Variants in MAP3K2 observed in about 807,000 individuals in gnomAD.
The protein encoded by MAP3K2 is MAP/ERK kinase kinase 2.
MAP3K2 carries 24 observed loss-of-function variants against 80.3 expected under a neutral mutation model. The observed-to-expected ratio is 0.30, with a 90% confidence interval of 0.22 to 0.42. The LOEUF (loss-of-function observed/expected upper bound fraction) is 0.42, where lower values mean the gene tolerates loss of function less well. Among genes scored for constraint, MAP3K2 ranks in the 10% least tolerant of loss-of-function variants. MAP3K2 has a pLI of 1.00. For missense variants in MAP3K2, 608 were observed against 750.1 expected (o/e 0.81, Z 2.21); for synonymous variants, 244 against 253.7 (o/e 0.96, Z 0.36).
Position 127,304,656 on chromosome 2 carries a change from T to G in MAP3K2, c.*2923A>C, listed in dbSNP as rs1438074877. 1.3e-5 allele frequency: 2 copies of G among 152,582 alleles called. No individual in the cohort carries two copies. The highest frequency in any genetic ancestry group is 2.4e-5 in the African/African-American group (1 of 41,446). 9.5% of individuals were successfully genotyped at this position (152,582 alleles called of 1,614,324 possible). ...CACATTTAGAGTTATCTTAAAAAGT[T>G]CAAATTGCATTTGTTGATCCATATC... On this transcript the variant is annotated 3_prime_UTR_variant, in exon 17 of 17. Coordinates refer to ENST00000682094, the MANE Select transcript of MAP3K2 (RefSeq NM_001371910.2).
chr2:127,338,566 T>C (rs894011460), intron 3 of MAP3K2, among the ~76,000 whole-genome samples: 6 of 152,180 alleles, frequency 3.9e-5, no homozygotes, highest in African/African-American at 7.2e-5. Context: ...CCTCCACTTA[T>C]AACTGAGAAC....
intron 1 of MAP3K2, among the ~76,000 whole-genome samples, chr2:127,356,619 T>C (rs773824855): frequency 3.3e-5 from 5 of 152,184 alleles, no homozygotes; most frequent in Non-Finnish European, 7.3e-5. Flanking sequence ...TCCCAAAGTG[T>C]TGAGATTACA....
chr2:127,307,546 G>A lies in MAP3K2; in HGVS notation c.*33C>T, dbSNP rs1183844941. The A allele has an allele frequency of 7.1e-6, 10 of 1,418,244 alleles. No individual in the cohort carries two copies. The highest frequency in any genetic ancestry group is 8.8e-6 in the Non-Finnish European group (9 of 1,027,682). The allele number at this position is 1,418,244 out of a possible 1,614,324, so 87.9% of individuals were successfully genotyped here. ...AGAGAAGGTGAATGAATAGATGGGAGCTAGGTAGAGGCACAGGAGAGGTTA... is the reference window on the plus strand; with the variant it reads ...AGAGAAGGTGAATGAATAGATGGGAACTAGGTAGAGGCACAGGAGAGGTTA... On this transcript the variant is annotated 3_prime_UTR_variant, in exon 17 of 17. Transcript: ENST00000682094. The surrounding 1 kb of genome is among the most constrained non-coding windows in gnomAD (Gnocchi z 5.4).
At chr2:127,309,544 G>C (rs1685771641) in intron 15 of MAP3K2, among the ~76,000 whole-genome samples, 1 of 152,048 alleles carries the variant, frequency 6.6e-6, no homozygotes, top group South Asian at 2.1e-4. Context: ...GATTTCCTCA[G>C]TTTTTCCCTA....
At chr2:127,317,302 A>G (rs1182735603) in intron 14 of MAP3K2, among the ~76,000 whole-genome samples, 1 of 152,152 alleles carries the variant, frequency 6.6e-6, no homozygotes, top group Non-Finnish European at 1.5e-5. Context: ...AGAGATAATT[A>G]AGGGGCATAA....
In MAP3K2 at chr2:127,308,620, G is replaced by A; in HGVS notation, c.1599C>T (p.Ile533=). Residue 533 remains isoleucine (I), a synonymous_variant, in exon 16 of 17, where the codon ATC becomes ATT. Coordinates refer to ENST00000682094, the MANE Select transcript of MAP3K2 (RefSeq NM_001371910.2). ...CTTTTCTTCCATAGCCTTCTCCACT[G>A]ATGACTTCAGGGCTCATCCAGTATG... ...GTPYWMSPEV[I]SGEGYGRKAD... 1.3e-6 allele frequency: 2 copies of A among 1,596,560 alleles called. No individual in the cohort carries two copies. The highest frequency in any genetic ancestry group is 1.1e-5 in the South Asian group (1 of 88,994).
At chr2:127,355,108 A>T (rs1686774601) in intron 1 of MAP3K2, among the ~76,000 whole-genome samples, 1 of 152,158 alleles carries the variant, frequency 6.6e-6, no homozygotes, top group South Asian at 2.1e-4. Flanking sequence ...TCCCCAAATG[A>T]CAGCAGGGCA....
Position 127,321,646 on chromosome 2 carries a change from T to G in MAP3K2, c.1045+400A>C, listed in dbSNP as rs1322049003. Among the ~76,000 whole-genome samples, 3 of 152,232 alleles carry G rather than the reference T, an allele frequency of 2.0e-5. No homozygotes were observed. On this transcript the variant is annotated intron_variant, in intron 12 of 16. Coordinates refer to ENST00000682094, the MANE Select transcript of MAP3K2 (RefSeq NM_001371910.2). The surrounding 1 kb of genome is among the most constrained non-coding windows in gnomAD (Gnocchi z 4.4). The stretch of plus-strand genomic sequence containing the variant: ...CATTTTTAGATGATGTTATGGCCTC[T>G]TGCACATTATCTCCTCAGCTGGTGA...
rs375482969 is a variant in MAP3K2, at chr2:127,308,653, C to G, written c.1566G>C (p.Thr522=). The G allele has an allele frequency of 1.2e-6, 2 of 1,613,684 alleles. No individual in the cohort carries two copies. The highest frequency in any genetic ancestry group is 3.3e-5 in the Admixed American group (2 of 59,988). Residue 522 remains threonine (T), a synonymous_variant, in exon 16 of 17, where the codon ACG becomes ACC. Coordinates refer to ENST00000682094, the MANE Select transcript of MAP3K2 (RefSeq NM_001371910.2). ...CAGGGCTCATCCAGTATGGTGTGCC[C>G]GTGACAGACTTCATTCCTGTCCCTG... ...CLSGTGMKSV[T]GTPYWMSPEV... is the part of the protein sequence containing the mutation.
intron 5 of MAP3K2, among the ~76,000 whole-genome samples, 159 bp downstream of exon 5, chr2:127,335,711 A>C (rs1686353806): frequency 1.3e-5 from 2 of 152,258 alleles, no homozygotes; most frequent in African/African-American, 4.8e-5. Flanking sequence ...CAATGAAATA[A>C]ATCCATTTTA....
chr2:127,387,221 C>T (rs948073234), intron 1 of MAP3K2, among the ~76,000 whole-genome samples: 1 of 152,160 alleles, frequency 6.6e-6, no homozygotes, highest in Admixed American at 6.5e-5. Context: ...ACAGCTAACA[C>T]AGCCCAGCAG....
At chr2:127,358,479 T>C (rs187989674) in intron 1 of MAP3K2, among the ~76,000 whole-genome samples, 14 of 152,354 alleles carry the variant, frequency 9.2e-5, no homozygotes, top group Admixed American at 2.6e-4. Context: ...TGCATGAATT[T>C]TATTAGCAGC....
intron 1 of MAP3K2, among the ~76,000 whole-genome samples, chr2:127,384,637 T>G (rs193282246): frequency 6.6e-6 from 1 of 151,982 alleles, no homozygotes. Context: ...AGATGAAAAG[T>G]TGCTTCTTAT....
At chr2:127,369,355 G>C (rs923519911) in intron 1 of MAP3K2, among the ~76,000 whole-genome samples, 1 of 150,454 alleles carries the variant, frequency 6.6e-6, no homozygotes, top group African/African-American at 2.4e-5. Flanking sequence ...ATAATAGGCT[G>C]GGCGCGGTGG....
upstream of MAP3K2, chr2:127,388,095 C>T (rs1190404276): frequency 2.0e-6 from 2 of 984,274 alleles, no homozygotes; most frequent in African/African-American, 1.8e-5. Flanking sequence ...TCGGCGCCTG[C>T]GCAGAGGCCC....
rs1685561215 is a variant in MAP3K2, at chr2:127,300,049, T to C, written c.*7530A>G. 6.6e-6 allele frequency: 1 copy of C among 152,156 alleles called. No individual in the cohort carries two copies. Among genetic ancestry groups the C allele is most frequent in the Non-Finnish European group, 1.5e-5 (1 of 67,990 alleles). The allele number at this position is 152,156 out of a possible 1,614,324, so 9.4% of individuals were successfully genotyped here. ...ATACATTATAAAATTTTCTAATTTC[T>C]ATTAATGTCGAACTCCTGAGTTCTT... On this transcript the variant is annotated 3_prime_UTR_variant, in exon 17 of 17. Coordinates refer to ENST00000682094, the MANE Select transcript of MAP3K2 (RefSeq NM_001371910.2).
In MAP3K2 at chr2:127,341,535, T is replaced by G. The variant is rs1238304108; in HGVS notation, c.4+1591A>C. On this transcript the variant is annotated intron_variant, in intron 2 of 16. Coordinates refer to ENST00000682094, the MANE Select transcript of MAP3K2 (RefSeq NM_001371910.2). ...ACAATGGGTTTTTTTTTGTTGTTTT[T>G]TTTTTTTTTTTTTTTGAGACAGAGT... is the stretch of plus-strand genomic sequence containing the variant. Among the ~76,000 whole-genome samples, 465 of 138,954 alleles carry G rather than the reference T, an allele frequency of 3.3e-3. 2 individuals carry two copies. Among genetic ancestry groups the G allele is most frequent in the Non-Finnish European group, 5.5e-3 (355 of 64,168 alleles). 91.2% of individuals were successfully genotyped at this position (138,954 alleles called of 152,430 possible).
rs199572220 is a variant in MAP3K2 at position 127,318,212 on chromosome 2, A to G, written c.1151T>C (p.Val384Ala). Residue 384 changes from valine (V) to alanine (A), a missense_variant, in exon 13 of 17, where the codon GTT becomes GCT. By Grantham distance (64) the Val-to-Ala change is moderately conservative. Around this residue, in one of 4 missense-constraint regions of MAP3K2, gnomAD observed 467 missense variants for 521.9 expected, o/e 0.89. Transcript: ENST00000682094. The part of the protein sequence containing the change: ...YDVDTGRELA[V>A]KQVQFDPDSP... ...ATCGGGGTCAAATTGAACTTGCTTA[A>G]CAGCCAATTCTCTTCCTGTATCAAC... 5.0e-5 allele frequency: 81 copies of G among 1,610,936 alleles called. No homozygotes were observed. In the Admixed American group the frequency reaches 7.1e-4, roughly 14 times the overall value.
intron 15 of MAP3K2, among the ~76,000 whole-genome samples, chr2:127,313,720 TAG>T (rs1222607955): frequency 3.3e-5 from 5 of 152,340 alleles, no homozygotes; most frequent in East Asian, 1.9e-4. Flanking sequence ...GCAAACATCA[TAG>T]AGTGTATTTA....
Sources: allele counts gnomAD v4.1 joint callset (sites outside exome capture counted in the v4.1 genomes callset), GRCh38; gene constraint gnomAD v4.1.1; regional missense constraint gnomAD v4.1.1; non-coding constraint Gnocchi (gnomAD v3.1); transcripts MANE v1.5; gene names NCBI Gene and HGNC (gene_info 2026-07-23, HGNC 2026-07-21).